Variants in RALGPS2 observed in about 807,000 individuals in gnomAD.
RALGPS2 encodes the protein Ral GEF with PH domain and SH3 binding motif 2, also known as ras-specific guanine nucleotide-releasing factor RalGPS2.
Under a neutral mutation model 86.8 loss-of-function variants are expected in RALGPS2, and 43 were observed. The ratio of observed to expected loss-of-function variants is 0.50; its 90% CI spans 0.39 to 0.64. The LOEUF is 0.64. RALGPS2 is among the 30% of genes least tolerant of loss of function. The probability of loss-of-function intolerance (pLI) is 0.00; values close to 1 mark genes in which losing one functional copy is unlikely to be tolerated. For missense variants in RALGPS2, 536 were observed against 694.6 expected (o/e 0.77, Z 2.57); for synonymous variants, 243 against 231.3 (o/e 1.05, Z -0.46).
intron 1 of RALGPS2, among the ~76,000 whole-genome samples, chr1:178,738,905 A>G (rs1650869838): frequency 6.6e-6 from 1 of 152,152 alleles, no homozygotes; most frequent in African/African-American, 2.4e-5. Flanking sequence ...ATTATTCGTT[A>G]TACCTCTTCC....
intron 8 of RALGPS2, among the ~76,000 whole-genome samples, chr1:178,860,256 G>A (rs902132201): frequency 6.9e-6 from 1 of 145,576 alleles, no homozygotes; most frequent in African/African-American, 2.4e-5. Context: ...TTCATTGATT[G>A]CAGCTTGTCA....
At chr1:178,728,507 T>A (rs2101996489) in intron 1 of RALGPS2, among the ~76,000 whole-genome samples, 1 of 152,160 alleles carries the variant, frequency 6.6e-6, no homozygotes, top group East Asian at 1.9e-4. Flanking sequence ...TATCCATTTT[T>A]TGAATATGAG....
At chr1:178,843,686 A>AG (rs1558145451) in intron 8 of RALGPS2, among the ~76,000 whole-genome samples, 1 of 151,804 alleles carries the variant, frequency 6.6e-6, no homozygotes, top group African/African-American at 2.4e-5. Flanking sequence ...GAAACCAAAA[A>AG]GGGAAAAAAA....
At chr1:178,747,304 T>C in intron 1 of RALGPS2, 1 of 1,530,344 alleles carries the variant, frequency 6.5e-7, no homozygotes, top group Non-Finnish European at 9.1e-7. Context: ...CTCCAAAATC[T>C]GGCCAAGTAG....
intron 6 of RALGPS2, among the ~76,000 whole-genome samples, chr1:178,814,422 T>C (rs1655132229): frequency 6.6e-6 from 1 of 152,142 alleles, no homozygotes; most frequent in Non-Finnish European, 1.5e-5. Context: ...GCAGTGAAAT[T>C]ACTGAGTCTC....
At chr1:178,890,779 C>G (rs1454978076) in intron 14 of RALGPS2, among the ~76,000 whole-genome samples, 2 of 151,812 alleles carry the variant, frequency 1.3e-5, no homozygotes, top group Admixed American at 6.6e-5. Context: ...CTTTTGTTCT[C>G]TTTGTTTTGC....
At chr1:178,792,069 T>G (rs554207718) in intron 4 of RALGPS2, among the ~76,000 whole-genome samples, 1 of 152,308 alleles carries the variant, frequency 6.6e-6, no homozygotes, top group Admixed American at 6.5e-5. Context: ...CTGGTTTTTC[T>G]CCAATTCTGT....
Position 178,746,863 on chromosome 1 carries a change from G to A in RALGPS2, c.-84+21444G>A, listed in dbSNP as rs1451978116. ...TTTTAGAGGAAAGTCCTGTACGTCA[G>A]TCACCTGTCAGTTTTTCTTCTTCTA... On this transcript the variant is annotated intron_variant, in intron 1 of 19. Transcript: ENST00000367635. The A allele has an allele frequency of 8.5e-6, 10 of 1,178,580 alleles. No homozygotes were observed. The Admixed American group carries it at 1.7e-4, about 20-fold the overall frequency. 73.0% of individuals were successfully genotyped at this position (1,178,580 alleles called of 1,614,324 possible).
intron 12 of RALGPS2, chr1:178,885,754 T>G (rs1453830700): frequency 2.7e-6 from 1 of 370,476 alleles, no homozygotes; most frequent in Admixed American, 4.6e-5. Context: ...ACACGAGGCT[T>G]AAAATGAAAT....
At position 178,915,811 on chromosome 1, in the gene RALGPS2, C is replaced by T. The variant is rs561021798; in HGVS notation, c.1723-519C>T. On this transcript the variant is annotated intron_variant, in intron 19 of 19. Transcript: ENST00000367635. ...AACTGGTTTTGAGGATTTGTTTTAACATAGTGAAACTCTAATAAGGAATTT... is the reference window on the plus strand; with the variant it reads ...AACTGGTTTTGAGGATTTGTTTTAATATAGTGAAACTCTAATAAGGAATTT... 1.1e-4 allele frequency among the ~76,000 whole-genome samples: 17 copies of T among 152,300 alleles called. No homozygotes were observed. The South Asian group carries it at 3.3e-3, about 30-fold the overall frequency.
At chr1:178,820,315 A>C (rs921714178) in intron 6 of RALGPS2, among the ~76,000 whole-genome samples, 2 of 152,172 alleles carry the variant, frequency 1.3e-5, no homozygotes, top group African/African-American at 4.8e-5. Context: ...AAAATTCTCC[A>C]AATCCTCCAC....
chr1:178,788,222 A>G (rs542160642), intron 4 of RALGPS2, among the ~76,000 whole-genome samples: 4 of 152,294 alleles, frequency 2.6e-5, no homozygotes, highest in South Asian at 2.1e-4. Flanking sequence ...CTAGCACTCT[A>G]TACTTTTTCA....
chr1:178,819,826 G>A (rs956108944), intron 6 of RALGPS2, among the ~76,000 whole-genome samples: 4 of 152,102 alleles, frequency 2.6e-5, no homozygotes, highest in African/African-American at 9.7e-5. Flanking sequence ...TGACACTAAT[G>A]TATCAGATCC....
At chr1:178,797,985 TAAAAAAA>T (rs57049056) in intron 4 of RALGPS2, among the ~76,000 whole-genome samples, 4 of 95,420 alleles carry the variant, frequency 4.2e-5, no homozygotes, top group Admixed American at 1.2e-4. Flanking sequence ...CAACAATTTG[TAAAAAAA>T]AAAAAAAAAA....
Position 178,879,002 on chromosome 1 carries a change from A to G in RALGPS2, c.836+10A>G, listed in dbSNP as rs1659113914. 1 of 1,611,694 alleles carries G rather than the reference A, an allele frequency of 6.2e-7. No individual in the cohort carries two copies. The highest frequency in any genetic ancestry group is 1.7e-5 in the Admixed American group (1 of 59,710). ...AAGACGATAATTACAAGTAGGTTGG[A>G]TCTTCAAAAGTGGTTTGTATAACTT... On this transcript the variant is annotated intron_variant, in intron 10 of 19. Coordinates refer to ENST00000367635, the MANE Select transcript of RALGPS2 (RefSeq NM_152663.5).
intron 8 of RALGPS2, among the ~76,000 whole-genome samples, chr1:178,856,306 C>G (rs565319800): frequency 1.4e-5 from 2 of 143,996 alleles, no homozygotes; most frequent in African/African-American, 5.2e-5. Flanking sequence ...TAGCTCACCA[C>G]AGCCTCGAAC....
intron 19 of RALGPS2, among the ~76,000 whole-genome samples, chr1:178,908,909 T>C (rs944721907): frequency 6.6e-6 from 1 of 152,230 alleles, no homozygotes; most frequent in African/African-American, 2.4e-5. Context: ...GCTCTCTAAT[T>C]AGGTCCTGTT....
At chr1:178,775,864 A>G (rs1382461359) in intron 1 of RALGPS2, among the ~76,000 whole-genome samples, 1 of 151,698 alleles carries the variant, frequency 6.6e-6, no homozygotes, top group Admixed American at 6.6e-5. Context: ...TAAAGCCACC[A>G]TATCCATGGG....
chr1:178,845,396 A>G (rs919858045), intron 8 of RALGPS2, among the ~76,000 whole-genome samples: 4 of 152,108 alleles, frequency 2.6e-5, no homozygotes, highest in Non-Finnish European at 4.4e-5. Context: ...CCTCTGTAAT[A>G]TAGTGTTCCT....
Sources: gnomAD v4.1 joint callset for allele counts (sites outside exome capture counted in the v4.1 genomes callset) on GRCh38, gnomAD v4.1.1 for gene constraint, MANE v1.5 for transcripts, NCBI Gene and HGNC (gene_info 2026-07-23, HGNC 2026-07-21) for gene names.